Variants in SNTG2 observed in about 807,000 individuals in gnomAD.
SNTG2 encodes gamma-2-syntrophin.
A neutral mutation model predicts 70.9 loss-of-function variants in SNTG2; 74 were observed. The ratio of observed to expected loss-of-function variants is 1.04; its 90% CI spans 0.86 to 1.27. The LOEUF (loss-of-function observed/expected upper bound fraction) is 1.27, where lower values mean the gene tolerates loss of function less well. Ranked by LOEUF, SNTG2 falls within the 50% of genes most tolerant of loss-of-function variation. The pLI is 0.00. For synonymous variants in SNTG2, 278 were observed against 273.8 expected, an observed-to-expected ratio of 1.02 and a Z score of -0.15; for missense variants, 717 against 690.7, an observed-to-expected ratio of 1.04 and a Z score of -0.43.
chr2:1,190,307 G>A (rs1373678355), intron 8 of SNTG2, among the ~76,000 whole-genome samples: 1 of 151,626 alleles, frequency 6.6e-6, no homozygotes, highest in African/African-American at 2.4e-5. Flanking sequence ...ATCATCTGTA[G>A]ATTACTTATA....
chr2:964,843 G>A (rs1469492799), intron 1 of SNTG2, among the ~76,000 whole-genome samples: 1 of 152,154 alleles, frequency 6.6e-6, no homozygotes, highest in Non-Finnish European at 1.5e-5. Context: ...GGTAGGTTCT[G>A]AGAAGAGCTC....
At chr2:1,367,097 CAAGT>C (rs1057160765) in intron 16 of SNTG2, among the ~76,000 whole-genome samples, 7 of 152,296 alleles carry the variant, frequency 4.6e-5, no homozygotes, top group South Asian at 2.1e-4. Flanking sequence ...TGCAAGAAAA[CAAGT>C]AAGTTACATT....
At chr2:1,319,316 G>C (rs942909149) in intron 16 of SNTG2, among the ~76,000 whole-genome samples, 1 of 152,188 alleles carries the variant, frequency 6.6e-6, no homozygotes, top group African/African-American at 2.4e-5. Context: ...TACCAGATTC[G>C]TAGGACTTGT....
At chr2:1,111,936 GT>G (rs1666480902) in intron 4 of SNTG2, among the ~76,000 whole-genome samples, 1 of 120,484 alleles carries the variant, frequency 8.3e-6, no homozygotes, top group Admixed American at 8.2e-5. Flanking sequence ...GGAGGATCGT[GT>G]GTACTAAGTG....
chr2:1,297,563 G>A (rs571494237), intron 14 of SNTG2, among the ~76,000 whole-genome samples: 1 of 149,508 alleles, frequency 6.7e-6, no homozygotes, highest in South Asian at 2.1e-4. Flanking sequence ...AGCCCAGCCC[G>A]GCGCCTCTAC....
intron 14 of SNTG2, among the ~76,000 whole-genome samples, chr2:1,303,574 A>C (rs866657391): frequency 6.6e-6 from 1 of 152,234 alleles, no homozygotes; most frequent in African/African-American, 2.4e-5. Context: ...TTGCCTCAAT[A>C]AACTAGAAAC....
chr2:1,009,260 G>A lies in SNTG2; in HGVS notation c.72+58192G>A, dbSNP rs1415328137. On this transcript the variant is annotated intron_variant, in intron 1 of 16. Coordinates refer to ENST00000308624, the MANE Select transcript of SNTG2 (RefSeq NM_018968.4). ...ATGCTGGTTCTGATACTGGTGGGTC[G>A]TGTGTATGGCAGCCACACCTGTGTC... is the stretch of plus-strand genomic sequence containing the variant. Among the ~76,000 whole-genome samples, 6 of 126,996 alleles carry A rather than the reference G, an allele frequency of 4.7e-5. 1 individual carries two copies. The highest frequency in any genetic ancestry group is 6.8e-4 in the South Asian group (2 of 2,948). The allele number at this position is 126,996 out of a possible 152,430, so 83.3% of individuals were successfully genotyped here.
At chr2:1,200,492 GACA>G (rs1673210861) in intron 8 of SNTG2, among the ~76,000 whole-genome samples, 1 of 151,920 alleles carries the variant, frequency 6.6e-6, no homozygotes, top group African/African-American at 2.4e-5. Flanking sequence ...CAAAAGCACT[GACA>G]ACAAAAACTT....
chr2:1,156,660 G>A (rs1357894462), intron 6 of SNTG2, among the ~76,000 whole-genome samples: 1 of 152,194 alleles, frequency 6.6e-6, no homozygotes, highest in Admixed American at 6.5e-5. Context: ...CAGTGACCAT[G>A]ACAGGTGAGG....
intron 1 of SNTG2, among the ~76,000 whole-genome samples, chr2:972,236 G>A (rs1022172247): frequency 1.8e-4 from 28 of 152,122 alleles, no homozygotes; most frequent in Non-Finnish European, 1.5e-5. Flanking sequence ...TACCAGTGTG[G>A]TGTTAAAGTC....
chr2:1,321,478 G>A (rs961061731), intron 16 of SNTG2, among the ~76,000 whole-genome samples: 3 of 152,184 alleles, frequency 2.0e-5, no homozygotes, highest in Admixed American at 6.5e-5. Context: ...GACCACGGAG[G>A]GGGTGGCAGA....
chr2:1,281,326 T>TGTG (rs142654588), intron 14 of SNTG2, among the ~76,000 whole-genome samples: 324 of 7,878 alleles, frequency 0.041, 10 homozygotes, highest in South Asian at 0.072. Context: ...GTTTGTGTGG[T>TGTG]GTGTGTGTGT....
chr2:1,101,932 G>T (rs1167009229), intron 4 of SNTG2, among the ~76,000 whole-genome samples: 6 of 152,208 alleles, frequency 3.9e-5, no homozygotes. Context: ...TAAGAATGAG[G>T]CAGTTGTAAG....
chr2:1,253,498 A>C (rs1340257327), intron 12 of SNTG2, among the ~76,000 whole-genome samples: 1 of 152,204 alleles, frequency 6.6e-6, no homozygotes, highest in African/African-American at 2.4e-5. Context: ...TTCGATTCTC[A>C]GCAGTCTACG....
Position 956,104 on chromosome 2 carries a change from ACCCCTGCCCTG to A in SNTG2, c.72+5046_72+5056del, listed in dbSNP as rs1660136166. On this transcript the variant is annotated intron_variant, in intron 1 of 16. Coordinates refer to ENST00000308624, the MANE Select transcript of SNTG2 (RefSeq NM_018968.4). Reference sequence around the variant, plus strand: ...TGCCAAATGCTCCGCACCTGCCCCTACCCCTGCCCTGCCCCTGCCCATGCCCTGCACCCACC... The same window carrying A: ...TGCCAAATGCTCCGCACCTGCCCCTACCCCTGCCCATGCCCTGCACCCACC... Among the ~76,000 whole-genome samples the A allele has an allele frequency of 1.7e-4, 7 of 40,806 alleles. 1 individual carries two copies. The highest frequency in any genetic ancestry group is 1.8e-3 in the South Asian group (2 of 1,100). The allele number at this position is 40,806 out of a possible 152,430, so 26.8% of individuals were successfully genotyped here. A position where few individuals can be genotyped will look rare whatever the true frequency, so the allele number is the denominator to read the frequency against.
intron 4 of SNTG2, 97 bp downstream of exon 4, chr2:1,098,507 C>G (rs1270574221): frequency 1.6e-6 from 2 of 1,281,592 alleles, no homozygotes; most frequent in African/African-American, 1.5e-5. Context: ...GTGTTTTGCT[C>G]GATTACCTAA....
intron 1 of SNTG2, among the ~76,000 whole-genome samples, chr2:988,632 C>T (rs975020347): frequency 5.3e-5 from 8 of 152,126 alleles, no homozygotes; most frequent in East Asian, 3.9e-4. Context: ...GGCGTTCATA[C>T]GTGGACGCTA....
intron 1 of SNTG2, among the ~76,000 whole-genome samples, chr2:968,151 T>A (rs1046977560): frequency 4.6e-5 from 7 of 151,922 alleles, no homozygotes; most frequent in Admixed American, 3.3e-4. Context: ...CGTTTTTTTT[T>A]AACTATAAAT....
intron 1 of SNTG2, among the ~76,000 whole-genome samples, chr2:961,212 T>TTA (rs146167409): frequency 0.02 from 2,989 of 151,712 alleles, 90 homozygotes; most frequent in African/African-American, 0.069. Flanking sequence ...TTTTATTTTA[T>TTA]TTTTTTATTT....
Sources: gnomAD v4.1 joint callset for allele counts (sites outside exome capture counted in the v4.1 genomes callset) on GRCh38, gnomAD v4.1.1 for gene constraint, MANE v1.5 for transcripts, NCBI Gene and HGNC (gene_info 2026-07-23, HGNC 2026-07-21) for gene names.